Variants in CELF2 observed in about 807,000 individuals in gnomAD.
CELF2 encodes CUG triplet repeat RNA-binding protein 2.
CELF2 carries 8 observed loss-of-function variants against 62.6 expected under a neutral mutation model. The ratio of observed to expected loss-of-function variants is 0.13; its 90% CI spans 0.07 to 0.23. The LOEUF is 0.23. Among genes scored for constraint, CELF2 ranks in the 10% least tolerant of loss-of-function variants. The probability of loss-of-function intolerance (pLI) is 1.00; values close to 1 mark genes in which losing one functional copy is unlikely to be tolerated. For synonymous variants in CELF2, 258 were observed against 250.0 expected (o/e 1.03, Z -0.30); for missense variants, 333 against 671.0 (o/e 0.50, Z 5.56).
chr10:10,486,291 AC>A, the CELF2 span, among the ~76,000 whole-genome samples: 11 of 152,294 alleles, frequency 7.2e-5, no homozygotes, highest in East Asian at 2.1e-3. Context: ...AATTAAACCC[AC>A]ACAGGAATGC....
At chr10:11,189,510 T>C (rs186651576) in intron 2 of CELF2, among the ~76,000 whole-genome samples, 18 of 152,310 alleles carry the variant, frequency 1.2e-4, no homozygotes, top group Non-Finnish European at 2.9e-5. Flanking sequence ...CCCTCACCTG[T>C]TCTTCCCTTT....
At chr10:10,955,968 G>A (rs181883848) in intron 2 of CELF2, among the ~76,000 whole-genome samples, 8 of 152,252 alleles carry the variant, frequency 5.3e-5, no homozygotes, top group African/African-American at 7.2e-5. Flanking sequence ...CTGCTAGGTC[G>A]ATCACTGCAA....
At position 11,306,939 on chromosome 10, in the gene CELF2, C is replaced by T. The variant is rs188761055; in HGVS notation, c.977-7200C>T. 1.1e-3 allele frequency among the ~76,000 whole-genome samples: 160 copies of T among 152,306 alleles called. No homozygotes were observed. Among genetic ancestry groups the T allele is most frequent in the Middle Eastern group, 3.4e-3 (1 of 294 alleles). On this transcript the variant is annotated intron_variant, in intron 9 of 12. Coordinates refer to ENST00000633077, the MANE Select transcript of CELF2 (RefSeq NM_001326342.2). The surrounding 1 kb of genome is among the most constrained non-coding windows in gnomAD (Gnocchi z 4.4). ...AAAGGGGCCCAGGGAGTTTCTAGGCCGCCTCCACCTCTCCTATGGCCCCCT... is the reference window on the plus strand; with the variant it reads ...AAAGGGGCCCAGGGAGTTTCTAGGCTGCCTCCACCTCTCCTATGGCCCCCT...
At chr10:10,467,571 A>G in the CELF2 span, among the ~76,000 whole-genome samples, 3 of 152,050 alleles carry the variant, frequency 2.0e-5, no homozygotes, top group African/African-American at 7.2e-5. Flanking sequence ...ATTTTGATAT[A>G]AATTTTAGAA....
At position 11,324,647 on chromosome 10, in the gene CELF2, C is replaced by T. The variant is rs2095629276; in HGVS notation, c.1295-1189C>T. ...TCAAGAAGTTTTCTTTGTGAAAAGT[C>T]CCAATCATTAGGATACTTTCTTGTG... On this transcript the variant is annotated intron_variant, in intron 11 of 12. Coordinates refer to ENST00000633077, the MANE Select transcript of CELF2 (RefSeq NM_001326342.2). The surrounding 1 kb of genome is among the most constrained non-coding windows in gnomAD (Gnocchi z 4.7). Among the ~76,000 whole-genome samples the T allele has an allele frequency of 6.6e-6, 1 of 152,222 alleles. No homozygotes were observed.
chr10:10,774,823 C>A, the CELF2 span, among the ~76,000 whole-genome samples: 1 of 151,738 alleles, frequency 6.6e-6, no homozygotes, highest in South Asian at 2.1e-4. Flanking sequence ...CTAAGAATGC[C>A]CAGGGAAGGC....
At chr10:10,748,500 G>C in the CELF2 span, among the ~76,000 whole-genome samples, 2 of 152,066 alleles carry the variant, frequency 1.3e-5, no homozygotes, top group African/African-American at 4.8e-5. Context: ...TGTAATCCCA[G>C]CACTTTGGGA....
At chr10:10,494,714 T>C in the CELF2 span, among the ~76,000 whole-genome samples, 1 of 152,204 alleles carries the variant, frequency 6.6e-6, no homozygotes. Context: ...TTCATCATTG[T>C]ACCTGATCTT....
At chr10:10,930,407 A>G (rs1248198565) in intron 2 of CELF2, among the ~76,000 whole-genome samples, 1 of 152,220 alleles carries the variant, frequency 6.6e-6, no homozygotes, top group Non-Finnish European at 1.5e-5. Flanking sequence ...CTGTAATTCA[A>G]AGCTATGTTG....
At chr10:10,971,235 T>A (rs1260436475) in intron 2 of CELF2, among the ~76,000 whole-genome samples, 1 of 152,182 alleles carries the variant, frequency 6.6e-6, no homozygotes, top group Non-Finnish European at 1.5e-5. Flanking sequence ...TGTGAAGCTC[T>A]TGCTCCTCTG....
chr10:10,944,294 G>A (rs1281118587), intron 2 of CELF2: 2 of 152,670 alleles, frequency 1.3e-5, no homozygotes, highest in Admixed American at 1.3e-4. Flanking sequence ...GGCTGTAGAT[G>A]ATTTGGGAGT....
At chr10:10,833,448 G>T (rs912569801) in intron 1 of CELF2, among the ~76,000 whole-genome samples, 3 of 152,110 alleles carry the variant, frequency 2.0e-5, no homozygotes, top group Admixed American at 2.0e-4. Context: ...CTTGGGTCAG[G>T]GTGAGGCCAG....
chr10:10,850,951 GC>G (rs540597386), intron 1 of CELF2, among the ~76,000 whole-genome samples: 1 of 151,868 alleles, frequency 6.6e-6, no homozygotes, highest in African/African-American at 2.4e-5. Flanking sequence ...GATTATAGGC[GC>G]CCCCCACCAT....
chr10:11,049,950 A>G (rs536326452), intron 1 of CELF2, among the ~76,000 whole-genome samples: 1 of 152,316 alleles, frequency 6.6e-6, no homozygotes, highest in Admixed American at 6.5e-5. Context: ...GGGGCACCAT[A>G]AACACTTGCT....
chr10:11,088,280 A>G (rs569630442), intron 1 of CELF2, among the ~76,000 whole-genome samples: 1 of 152,336 alleles, frequency 6.6e-6, no homozygotes, highest in East Asian at 1.9e-4. Flanking sequence ...AGCATGAGTG[A>G]GGCATATGCG....
At chr10:10,535,174 A>T in the CELF2 span, among the ~76,000 whole-genome samples, 2 of 152,214 alleles carry the variant, frequency 1.3e-5, no homozygotes, top group African/African-American at 4.8e-5. Flanking sequence ...ACAGCACTTG[A>T]TGAGTCTCAT....
At chr10:10,848,851 A>G (rs774924967) in intron 1 of CELF2, among the ~76,000 whole-genome samples, 2 of 152,018 alleles carry the variant, frequency 1.3e-5, no homozygotes, top group African/African-American at 2.4e-5. Flanking sequence ...GGATGCCGCC[A>G]TGTTTTACGT....
At chr10:11,067,341 G>A (rs1418510900) in intron 1 of CELF2, among the ~76,000 whole-genome samples, 2 of 152,148 alleles carry the variant, frequency 1.3e-5, no homozygotes, top group African/African-American at 2.4e-5. Context: ...TTGAAGTGCC[G>A]GTAAAAGGCA....
At chr10:10,476,729 A>G in the CELF2 span, among the ~76,000 whole-genome samples, 1 of 152,184 alleles carries the variant, frequency 6.6e-6, no homozygotes, top group South Asian at 2.1e-4. Flanking sequence ...TATTTTAAAA[A>G]TGAGAACCTT....
Sources: gnomAD v4.1 joint callset for allele counts (sites outside exome capture counted in the v4.1 genomes callset) on GRCh38, gnomAD v4.1.1 for gene constraint, Gnocchi (gnomAD v3.1) non-coding constraint, MANE v1.5 for transcripts, NCBI Gene and HGNC (gene_info 2026-07-23, HGNC 2026-07-21) for gene names.